The following CSMD1 variants were observed in gnomAD, a reference collection of about 807,000 sequenced individuals.
CSMD1 encodes CUB and Sushi multiple domains 1, also known as CUB and sushi domain-containing protein 1.
In CSMD1, 213 loss-of-function variants were observed where a neutral mutation model predicts 417.5. The observed-to-expected ratio is 0.51, with a 90% CI of 0.46 to 0.57. The LOEUF is 0.57. CSMD1 is among the 20% of genes least tolerant of loss of function. The pLI, the probability that CSMD1 is intolerant of heterozygous loss-of-function variation, is 0.00. For synonymous variants in CSMD1, 2,862 were observed against 1,736.8 expected, an observed-to-expected ratio of 1.65 and a Z score of -16.11; for missense variants, 6,923 against 4,529.7, an observed-to-expected ratio of 1.53 and a Z score of -15.17.
chr8:4,434,080 G>A (rs1483881768), intron 2 of CSMD1, among the ~76,000 whole-genome samples: 2 of 152,194 alleles, frequency 1.3e-5, no homozygotes, highest in African/African-American at 2.4e-5. Context: ...ACTCACGCCT[G>A]TGATCCCAGC....
intron 1 of CSMD1, among the ~76,000 whole-genome samples, chr8:4,791,205 T>G (rs753751505): frequency 1.3e-5 from 2 of 151,342 alleles, no homozygotes; most frequent in Non-Finnish European, 1.5e-5. Flanking sequence ...AGAGGAGAGG[T>G]GCGTGGAAGA....
At chr8:4,643,829 G>C (rs954968915) in intron 1 of CSMD1, among the ~76,000 whole-genome samples, 1 of 152,140 alleles carries the variant, frequency 6.6e-6, no homozygotes, top group Non-Finnish European at 1.5e-5. Flanking sequence ...GTGCCGTTCC[G>C]GGGACTTCGA....
At chr8:3,319,611 C>T (rs1806014588) in intron 23 of CSMD1, among the ~76,000 whole-genome samples, 2 of 152,000 alleles carry the variant, frequency 1.3e-5, no homozygotes. Context: ...TAAAAAGAAA[C>T]ATGAGAGTTT....
At chr8:4,771,875 G>A (rs1168929770) in intron 1 of CSMD1, among the ~76,000 whole-genome samples, 2 of 152,138 alleles carry the variant, frequency 1.3e-5, no homozygotes, top group Non-Finnish European at 2.9e-5. Context: ...TGTGCTCAAA[G>A]CGGTGGGCAT....
intron 5 of CSMD1, among the ~76,000 whole-genome samples, chr8:3,952,525 A>C (rs1811660083): frequency 6.6e-6 from 1 of 152,180 alleles, no homozygotes; most frequent in Admixed American, 6.5e-5. Context: ...AACCTCCTTC[A>C]GGTTTGGAAA....
At chr8:3,277,302 C>G (rs375794308) in intron 26 of CSMD1, among the ~76,000 whole-genome samples, 2 of 152,064 alleles carry the variant, frequency 1.3e-5, no homozygotes, top group Non-Finnish European at 2.9e-5. Flanking sequence ...AGAAGTGAGG[C>G]GTTGCCCACG....
At position 4,466,740 on chromosome 8, in the gene CSMD1, CAAT is replaced by C. The variant is rs201468968; in HGVS notation, c.303-46678_303-46676del. Among the ~76,000 whole-genome samples the C allele has an allele frequency of 5.8e-3, 879 of 151,996 alleles. 6 individuals are homozygous for C. Among genetic ancestry groups the C allele is most frequent in the African/African-American group, 0.02 (846 of 41,444 alleles). ...ATGGTGTACAACAAATACATATTTCCAATAATACTATATTTATCAAATTATAAT... is the reference window on the plus strand; with the variant it reads ...ATGGTGTACAACAAATACATATTTCCAATACTATATTTATCAAATTATAAT... On this transcript the variant is annotated intron_variant, in intron 2 of 69. Transcript: ENST00000635120.
intron 42 of CSMD1, among the ~76,000 whole-genome samples, chr8:3,111,295 G>A (rs1816501353): frequency 6.6e-6 from 1 of 152,208 alleles, no homozygotes; most frequent in East Asian, 1.9e-4. Context: ...GCACAGATGT[G>A]TATTGATTTG....
chr8:3,321,047 G>T (rs1017156134), intron 23 of CSMD1, among the ~76,000 whole-genome samples: 3 of 152,124 alleles, frequency 2.0e-5, no homozygotes, highest in African/African-American at 7.2e-5. Context: ...TCATCTGAAA[G>T]ACACGCAACT....
rs1467720025 is a variant in CSMD1, at chr8:3,369,113, A to G, written c.2899+141T>C. ...ACTATTGTTCTTCCAAAATCTTATT[A>G]AATAATAAGTTAAAATCTTGAACTA... On this transcript the variant is annotated intron_variant, in intron 19 of 69. Coordinates refer to ENST00000635120, the MANE Select transcript of CSMD1 (RefSeq NM_033225.6). The G allele has an allele frequency of 5.6e-6, 3 of 537,628 alleles. No homozygotes were observed. In the Admixed American group the frequency reaches 1.0e-4, roughly 18 times the overall value. The allele number at this position is 537,628 out of a possible 1,614,324, so 33.3% of individuals were successfully genotyped here.
chr8:4,642,736 T>G (rs1047909047), intron 1 of CSMD1, among the ~76,000 whole-genome samples: 4 of 152,226 alleles, frequency 2.6e-5, no homozygotes, highest in African/African-American at 9.6e-5. Context: ...AGCCTTTGCT[T>G]TGCTAGCTGT....
intron 5 of CSMD1, among the ~76,000 whole-genome samples, chr8:3,803,745 C>T (rs1800582576): frequency 6.6e-6 from 1 of 152,142 alleles, no homozygotes; most frequent in Non-Finnish European, 1.5e-5. Flanking sequence ...AGTGACGAAT[C>T]TTGATTAGGG....
intron 3 of CSMD1, among the ~76,000 whole-genome samples, chr8:4,390,230 T>G (rs998612998): frequency 1.3e-5 from 2 of 152,168 alleles, no homozygotes; most frequent in African/African-American, 4.8e-5. Context: ...TCCTCTTTTG[T>G]GCCTTCTTCT....
intron 2 of CSMD1, among the ~76,000 whole-genome samples, chr8:4,583,283 G>C (rs921332044): frequency 1.3e-5 from 2 of 152,234 alleles, no homozygotes; most frequent in African/African-American, 4.8e-5. Context: ...AGTGAAGCCA[G>C]CTGCGCTCCT....
intron 3 of CSMD1, among the ~76,000 whole-genome samples, chr8:4,068,557 G>C (rs1369454217): frequency 1.3e-5 from 2 of 152,158 alleles, no homozygotes; most frequent in East Asian, 1.9e-4. Flanking sequence ...ATCCTCTGGA[G>C]GCCACTGGAC....
Position 4,313,053 on chromosome 8 carries a change from A to C in CSMD1, c.415+106900T>G, listed in dbSNP as rs140723902. Among the ~76,000 whole-genome samples, 870 of 152,292 alleles carry C rather than the reference A, an allele frequency of 5.7e-3. 6 individuals carry two copies. Among genetic ancestry groups the C allele is most frequent in the African/African-American group, 0.02 (829 of 41,552 alleles). ...CATAAATTTCTATAGAATAAACTAC[A>C]AATGAATATAGTCCCATGATAGCCA... On this transcript the variant is annotated intron_variant, in intron 3 of 69. Coordinates refer to ENST00000635120, the MANE Select transcript of CSMD1 (RefSeq NM_033225.6).
chr8:4,000,596 A>G (rs1437654543), intron 4 of CSMD1, among the ~76,000 whole-genome samples: 1 of 152,180 alleles, frequency 6.6e-6, no homozygotes, highest in Non-Finnish European at 1.5e-5. Context: ...AAACGCAAAT[A>G]TAAATATCTC....
Position 3,173,558 on chromosome 8 carries a change from G to A in CSMD1, c.5725+7552C>T, listed in dbSNP as rs765264082. 7.9e-5 allele frequency among the ~76,000 whole-genome samples: 12 copies of A among 152,280 alleles called. No homozygotes were observed. In the South Asian group the frequency reaches 8.3e-4, roughly 11 times the overall value. On this transcript the variant is annotated intron_variant, in intron 37 of 69. Transcript: ENST00000635120. Reference sequence around the variant, plus strand: ...AAAAAGATCTTATGGAGTAATTAATGTAGAAATAAATGCAGTAAGTGTCTT... The same window carrying A: ...AAAAAGATCTTATGGAGTAATTAATATAGAAATAAATGCAGTAAGTGTCTT...
At chr8:3,273,841 G>A (rs1376943847) in intron 26 of CSMD1, among the ~76,000 whole-genome samples, 1 of 152,016 alleles carries the variant, frequency 6.6e-6, no homozygotes, top group Non-Finnish European at 1.5e-5. Flanking sequence ...AGTCTTGCTA[G>A]TGGTCTACCA....
Sources: gnomAD v4.1 joint callset for allele counts (sites outside exome capture counted in the v4.1 genomes callset) on GRCh38, gnomAD v4.1.1 for gene constraint, MANE v1.5 for transcripts, NCBI Gene and HGNC (gene_info 2026-07-23, HGNC 2026-07-21) for gene names.